Variants in ARAP2 observed in about 807,000 individuals in gnomAD.
The protein encoded by ARAP2 is arf-GAP with Rho-GAP domain, ANK repeat and PH domain-containing protein 2.
A neutral mutation model predicts 194.5 loss-of-function variants in ARAP2; 148 were observed. The ratio of observed to expected loss-of-function variants is 0.76; its 90% CI spans 0.67 to 0.87. ARAP2 has a LOEUF of 0.87. Ranked by LOEUF, ARAP2 falls within the 40% of genes least tolerant of loss-of-function variation. The pLI is 0.00. For synonymous variants in ARAP2, 695 were observed against 683.5 expected (o/e 1.02, Z -0.26); for missense variants, 2,128 against 1,989.7 (o/e 1.07, Z -1.32).
At chr4:36,191,187 T>C (rs1391652438) in intron 7 of ARAP2, among the ~76,000 whole-genome samples, 2 of 152,198 alleles carry the variant, frequency 1.3e-5, no homozygotes, top group South Asian at 2.1e-4. Flanking sequence ...GAGGAACTTA[T>C]AACAACATCC....
At position 36,229,046 on chromosome 4, in the gene ARAP2, A is replaced by G; in HGVS notation, c.441T>C (p.Ser147=). Residue 147 remains serine (S), a synonymous_variant, in exon 2 of 33, where the codon TCT becomes TCC. Coordinates refer to ENST00000303965, the MANE Select transcript of ARAP2 (RefSeq NM_015230.4). Reference sequence around the variant, plus strand: ...CAGTGGGGAAGTCGCGTTTAGGAGGAGACAGCTTATCATCTGATTGAGGAT... The same window carrying G: ...CAGTGGGGAAGTCGCGTTTAGGAGGGGACAGCTTATCATCTGATTGAGGAT... ...SQYPQSDDKL[S]PPKRDFPTAE... The G allele has an allele frequency of 2.5e-6, 4 of 1,614,110 alleles. No individual in the cohort carries two copies. The highest frequency in any genetic ancestry group is 3.4e-6 in the Non-Finnish European group (4 of 1,180,014).
At chr4:36,196,770 T>G (rs892473478) in intron 6 of ARAP2, among the ~76,000 whole-genome samples, 1 of 151,948 alleles carries the variant, frequency 6.6e-6, no homozygotes, top group Non-Finnish European at 1.5e-5. Flanking sequence ...GCCATCAAAA[T>G]CTGTGGGTAC....
intron 23 of ARAP2, 76 bp downstream of exon 23, chr4:36,121,103 C>G: frequency 1.8e-6 from 2 of 1,128,116 alleles, no homozygotes; most frequent in East Asian, 5.3e-5. Context: ...AATAATAACA[C>G]CCTACAACAT....
chr4:36,127,412 A>C (rs1370452440), intron 21 of ARAP2, among the ~76,000 whole-genome samples: 1 of 152,024 alleles, frequency 6.6e-6, no homozygotes, highest in African/African-American at 2.4e-5. Context: ...ATATCGTGAG[A>C]AGCTTTATTT....
intron 2 of ARAP2, among the ~76,000 whole-genome samples, chr4:36,214,816 C>T (rs1460303918): frequency 6.6e-6 from 1 of 152,156 alleles, no homozygotes; most frequent in Non-Finnish European, 1.5e-5. Context: ...TGCTAATATG[C>T]ACATAAAGTA....
At chr4:36,145,037 G>A (rs1164080904) in intron 19 of ARAP2, among the ~76,000 whole-genome samples, 3 of 151,844 alleles carry the variant, frequency 2.0e-5, no homozygotes, top group Admixed American at 6.6e-5. Context: ...TACTGAACCA[G>A]TGTAATTAAG....
chr4:36,136,734 C>T (rs1437888311), intron 19 of ARAP2, among the ~76,000 whole-genome samples: 1 of 151,412 alleles, frequency 6.6e-6, no homozygotes, highest in Admixed American at 6.6e-5. Flanking sequence ...AGGTAAGTCA[C>T]AGAAAGAATT....
intron 26 of ARAP2, among the ~76,000 whole-genome samples, chr4:36,108,663 A>T (rs1719060961): frequency 6.6e-6 from 1 of 152,032 alleles, no homozygotes; most frequent in African/African-American, 2.4e-5. Flanking sequence ...TGCAGCATAT[A>T]TTCTTAGCAT....
At chr4:36,146,779 T>C (rs966143672) in intron 19 of ARAP2, among the ~76,000 whole-genome samples, 77 of 152,192 alleles carry the variant, frequency 5.1e-4, no homozygotes, top group African/African-American at 1.8e-3. Context: ...TTTTCCCTAA[T>C]AATATACATG....
chr4:36,105,503 C>T (rs939635649), intron 27 of ARAP2, among the ~76,000 whole-genome samples: 1 of 151,984 alleles, frequency 6.6e-6, no homozygotes, highest in African/African-American at 2.4e-5. Context: ...CAGAAGGACA[C>T]ACTCATAACT....
In ARAP2 at chr4:36,082,299, GA is replaced by G. The variant is rs112504692; in HGVS notation, c.4509-14del. ...GGTCAATCCCCAGCTGCATCACATA[GA>G]AAAAAAAACACACATAAATTAAAAA... On this transcript the variant is annotated splice_polypyrimidine_tract_variant and intron_variant, in intron 29 of 32. Coordinates refer to ENST00000303965, the MANE Select transcript of ARAP2 (RefSeq NM_015230.4). 27 of 1,568,420 alleles carry G rather than the reference GA, an allele frequency of 1.7e-5. No individual in the cohort carries two copies. Among genetic ancestry groups the G allele is most frequent in the South Asian group, 7.1e-5 (6 of 84,852 alleles).
chr4:36,229,649 G>A lies in ARAP2; in HGVS notation c.-159-4C>T. ...TGACTGCTTTACCTGCTTAAGCCTA[G>A]AAAAAAATAAAAAATGATTCATTAG... On this transcript the variant is annotated splice_region_variant and splice_polypyrimidine_tract_variant and intron_variant, in intron 1 of 32. Coordinates refer to ENST00000303965, the MANE Select transcript of ARAP2 (RefSeq NM_015230.4). 1.1e-5 allele frequency: 5 copies of A among 466,732 alleles called. No homozygotes were observed. The highest frequency in any genetic ancestry group is 6.0e-5 in the African/African-American group (3 of 50,348). The allele number at this position is 466,732 out of a possible 1,614,324, so 28.9% of individuals were successfully genotyped here.
At chr4:36,022,811 T>A (rs557978964) in intron 5 of ARAP2, among the ~76,000 whole-genome samples, 71 of 152,258 alleles carry the variant, frequency 4.7e-4, no homozygotes, top group African/African-American at 1.6e-3. Flanking sequence ...TGAACAAGGA[T>A]AACAGAGATT....
downstream of ARAP2, among the ~76,000 whole-genome samples, chr4:36,063,893 C>T (rs1251384144): frequency 1.3e-5 from 2 of 152,182 alleles, no homozygotes; most frequent in Non-Finnish European, 2.9e-5. Flanking sequence ...TAAAAAGATG[C>T]AAATATCTGC....
At chr4:36,160,220 AT>A in intron 13 of ARAP2, 1 of 1,105,672 alleles carries the variant, frequency 9.0e-7, no homozygotes, top group Non-Finnish European at 1.1e-6. Context: ...AAATCCTCAG[AT>A]TGTGGCAACA....
chr4:36,212,255 C>T (rs1746921397), intron 5 of ARAP2, 141 bp downstream of exon 5: 1 of 582,906 alleles, frequency 1.7e-6, no homozygotes, highest in Non-Finnish European at 2.9e-6. Flanking sequence ...TGCTGCTATG[C>T]TTACATTTAG....
rs560736874 is a variant in ARAP2 at position 36,229,664 on chromosome 4, TG to T, written c.-159-20del. On this transcript the variant is annotated intron_variant, in intron 1 of 32. Transcript: ENST00000303965. ...CTTAAGCCTAGAAAAAAATAAAAAA[TG>T]ATTCATTAGGCTATTTTAATTATTA... 1.9e-4 allele frequency: 84 copies of T among 450,736 alleles called. No homozygotes were observed. In the East Asian group the frequency reaches 2.4e-3, roughly 13 times the overall value. The allele number at this position is 450,736 out of a possible 1,614,324, so 27.9% of individuals were successfully genotyped here.
rs971368209 is a variant in ARAP2 at position 36,133,513 on chromosome 4, C to T, written c.3264-124G>A. 7 of 796,508 alleles carry T rather than the reference C, an allele frequency of 8.8e-6. No individual in the cohort carries two copies. The East Asian group carries it at 1.6e-4, about 18-fold the overall frequency. 49.3% of individuals were successfully genotyped at this position (796,508 alleles called of 1,614,324 possible). On this transcript the variant is annotated intron_variant, in intron 19 of 32. Coordinates refer to ENST00000303965, the MANE Select transcript of ARAP2 (RefSeq NM_015230.4). Reference sequence around the variant, plus strand: ...ACAAACTCTTCTTTTATCTCATCCACCACGAGCTTCCACTCAATCCCTCTT... The same window carrying T: ...ACAAACTCTTCTTTTATCTCATCCATCACGAGCTTCCACTCAATCCCTCTT...
At chr4:36,140,827 T>C (rs1182629122) in intron 19 of ARAP2, among the ~76,000 whole-genome samples, 3 of 151,650 alleles carry the variant, frequency 2.0e-5, no homozygotes, top group Non-Finnish European at 4.4e-5. Context: ...AAAACTAAAA[T>C]GCAGTCAAGC....
Sources: gnomAD v4.1 joint callset for allele counts (sites outside exome capture counted in the v4.1 genomes callset) on GRCh38, gnomAD v4.1.1 for gene constraint, MANE v1.5 for transcripts, NCBI Gene and HGNC (gene_info 2026-07-23, HGNC 2026-07-21) for gene names.